The following SYT1 variants were observed in gnomAD, a reference collection of about 807,000 sequenced individuals.
The protein encoded by SYT1 is synaptotagmin 1.
SYT1 carries 8 observed loss-of-function variants against 44.8 expected under a neutral mutation model. The observed-to-expected ratio is 0.18, with a 90% confidence interval of 0.10 to 0.32. The LOEUF is 0.32. Ranked by LOEUF, SYT1 falls within the 10% of genes least tolerant of loss-of-function variation. SYT1 has a pLI of 1.00. For synonymous variants in SYT1, 154 were observed against 188.8 expected (o/e 0.82, Z 1.51); for missense variants, 286 against 509.3 (o/e 0.56, Z 4.22).
In SYT1 at chr12:79,202,659, T is replaced by A. The variant is rs543032326; in HGVS notation, c.-17-14844T>A. The stretch of plus-strand genomic sequence containing the variant: ...TTTCCAGTCCTCCAAGTCCCCCGGA[T>A]TTATTTGTAGAGTACTCCTAGTAGA... On this transcript the variant is annotated intron_variant, in intron 3 of 10. Coordinates refer to ENST00000261205, the MANE Select transcript of SYT1 (RefSeq NM_005639.3). Among the ~76,000 whole-genome samples the A allele has an allele frequency of 7.2e-5, 11 of 152,250 alleles. No homozygotes were observed. In the South Asian group the frequency reaches 2.1e-3, roughly 29 times the overall value.
rs545669150 is a variant in SYT1, at chr12:79,414,801, C to T, written c.929-29272C>T. Among the ~76,000 whole-genome samples, 6 of 152,262 alleles carry T rather than the reference C, an allele frequency of 3.9e-5. No individual in the cohort carries two copies. In the South Asian group the frequency reaches 1.2e-3, roughly 32 times the overall value. The stretch of plus-strand genomic sequence containing the variant: ...AGATGAATGAGGGCTACAAGAATCA[C>T]AACAGGCTCCTGGGAGGAGGTGATA... On this transcript the variant is annotated intron_variant, in intron 9 of 10. Transcript: ENST00000261205.
chr12:79,122,627 C>A (rs1868295588), intron 3 of SYT1, among the ~76,000 whole-genome samples: 1 of 150,560 alleles, frequency 6.6e-6, no homozygotes, highest in Admixed American at 6.6e-5. Context: ...ATACCTAATT[C>A]AGATTCCAAA....
intron 3 of SYT1, among the ~76,000 whole-genome samples, chr12:79,124,479 T>C (rs1295664454): frequency 6.6e-6 from 1 of 152,172 alleles, no homozygotes; most frequent in Non-Finnish European, 1.5e-5. Flanking sequence ...AGATAATATA[T>C]GGATAATCTG....
At chr12:79,325,600 CAG>C (rs1881575258) in intron 8 of SYT1, among the ~76,000 whole-genome samples, 1 of 152,062 alleles carries the variant, frequency 6.6e-6, no homozygotes, top group African/African-American at 2.4e-5. Flanking sequence ...TTATGGAAAA[CAG>C]AGAAAGGTTT....
At chr12:78,994,595 G>A (rs1456249356) in intron 2 of SYT1, among the ~76,000 whole-genome samples, 1 of 145,192 alleles carries the variant, frequency 6.9e-6, no homozygotes, top group African/African-American at 2.6e-5. Context: ...GAGTGCAGTG[G>A]CGTGACCTCA....
chr12:79,360,082 A>AC (rs1177687526), intron 9 of SYT1, among the ~76,000 whole-genome samples: 2 of 152,166 alleles, frequency 1.3e-5, no homozygotes, highest in African/African-American at 4.8e-5. Context: ...GTCCATACAC[A>AC]CATACCCATG....
At chr12:79,076,120 A>C (rs1876631507) in intron 3 of SYT1, among the ~76,000 whole-genome samples, 1 of 152,124 alleles carries the variant, frequency 6.6e-6, no homozygotes, top group Non-Finnish European at 1.5e-5. Context: ...AAGTTTGATG[A>C]AGAAGTGGAT....
intron 2 of SYT1, among the ~76,000 whole-genome samples, chr12:79,046,733 A>C (rs2137764355): frequency 6.6e-6 from 1 of 152,148 alleles, no homozygotes; most frequent in South Asian, 2.1e-4. Flanking sequence ...ATGTATATTT[A>C]AATACATGTA....
intron 3 of SYT1, among the ~76,000 whole-genome samples, chr12:79,077,046 G>T: frequency 6.6e-6 from 1 of 152,230 alleles, no homozygotes; most frequent in Non-Finnish European, 1.5e-5. Context: ...AGGTGTTTTA[G>T]TGCAGGCTGC....
intron 1 of SYT1, among the ~76,000 whole-genome samples, chr12:78,870,605 C>T (rs1156738327): frequency 2.0e-5 from 3 of 152,044 alleles, no homozygotes; most frequent in African/African-American, 7.2e-5. Context: ...GTCTCCTGTC[C>T]TCTTCCATCA....
chr12:79,260,949 C>G (rs925060267), intron 4 of SYT1, among the ~76,000 whole-genome samples: 2 of 152,106 alleles, frequency 1.3e-5, no homozygotes, highest in African/African-American at 4.8e-5. Flanking sequence ...CGTCTACCTG[C>G]AGAAATCCTG....
At chr12:79,276,670 A>T (rs1352488203) in intron 4 of SYT1, among the ~76,000 whole-genome samples, 3 of 147,216 alleles carry the variant, frequency 2.0e-5, no homozygotes, top group African/African-American at 7.7e-5. Context: ...GCAAGACTCC[A>T]TCAAAAAAAA....
chr12:79,247,844 T>C (rs1876946664), intron 4 of SYT1, among the ~76,000 whole-genome samples: 5 of 152,156 alleles, frequency 3.3e-5, no homozygotes, highest in Admixed American at 2.0e-4. Flanking sequence ...CAGGAAGCTA[T>C]AGTGAAAATC....
intron 8 of SYT1, among the ~76,000 whole-genome samples, chr12:79,308,515 A>C (rs945089314): frequency 6.8e-6 from 1 of 148,046 alleles, no homozygotes; most frequent in Non-Finnish European, 1.5e-5. Context: ...CGTCAAAAGA[A>C]AGAAAGAAAG....
intron 3 of SYT1, among the ~76,000 whole-genome samples, chr12:79,128,557 G>A (rs1485832110): frequency 6.6e-6 from 1 of 152,214 alleles, no homozygotes; most frequent in Non-Finnish European, 1.5e-5. Flanking sequence ...CACTCAAGTT[G>A]CAAGGAAAAC....
At chr12:78,993,330 T>C (rs981740518) in intron 2 of SYT1, among the ~76,000 whole-genome samples, 3 of 152,246 alleles carry the variant, frequency 2.0e-5, no homozygotes, top group Non-Finnish European at 4.4e-5. Flanking sequence ...TTCAAATTCT[T>C]GCATTTTTAT....
intron 8 of SYT1, among the ~76,000 whole-genome samples, chr12:79,300,365 A>G (rs1157386036): frequency 6.6e-6 from 1 of 152,100 alleles, no homozygotes; most frequent in Non-Finnish European, 1.5e-5. Context: ...TCCTGACGTA[A>G]GGCTGTAATT....
intron 8 of SYT1, among the ~76,000 whole-genome samples, chr12:79,302,113 G>A (rs1880180522): frequency 6.6e-6 from 1 of 152,074 alleles, no homozygotes; most frequent in Admixed American, 6.6e-5. Flanking sequence ...ATTGACTTTA[G>A]TTTTATGATT....
chr12:79,361,738 A>G (rs1883323255), intron 9 of SYT1, among the ~76,000 whole-genome samples: 1 of 152,232 alleles, frequency 6.6e-6, no homozygotes, highest in Non-Finnish European at 1.5e-5. Context: ...ACAAAAGAAG[A>G]TGAGACACAA....
Sources: allele counts gnomAD v4.1 joint callset (sites outside exome capture counted in the v4.1 genomes callset), GRCh38; gene constraint gnomAD v4.1.1; transcripts MANE v1.5; gene names NCBI Gene and HGNC (gene_info 2026-07-23, HGNC 2026-07-21).